COL14A1: variants seen among roughly 807,000 people sequenced by gnomAD.
COL14A1 encodes the protein collagen type XIV alpha 1 chain, also known as collagen alpha-1(XIV) chain.
COL14A1 carries 136 observed loss-of-function variants against 230.3 expected under a neutral mutation model. The ratio of observed to expected loss-of-function variants is 0.59; its 90% CI spans 0.51 to 0.68. COL14A1 has a LOEUF of 0.68. COL14A1 is among the 30% of genes least tolerant of loss of function. COL14A1 has a pLI of 0.00. For missense variants in COL14A1, 1,976 were observed against 2,215.8 expected (o/e 0.89, Z 2.17); for synonymous variants, 792 against 784.1 (o/e 1.01, Z -0.17).
chr8:120,341,610 C>T (rs1447356286), intron 43 of COL14A1, among the ~76,000 whole-genome samples: 1 of 152,142 alleles, frequency 6.6e-6, no homozygotes, highest in African/African-American at 2.4e-5. Context: ...AACTTGGGCT[C>T]TTTTCTTTAA....
upstream of COL14A1, among the ~76,000 whole-genome samples, chr8:120,124,900 G>C (rs1017917931): frequency 6.6e-6 from 1 of 152,168 alleles, no homozygotes; most frequent in African/African-American, 2.4e-5. Flanking sequence ...CGCGCACCTG[G>C]GGGGACCGCC....
In COL14A1 at chr8:120,139,398, A is replaced by G. The variant is rs116702415; in HGVS notation, c.-37-8408A>G. 1.0e-2 allele frequency among the ~76,000 whole-genome samples: 1,520 copies of G among 152,298 alleles called. 22 individuals carry two copies. The highest frequency in any genetic ancestry group is 0.035 in the African/African-American group (1,464 of 41,564). On this transcript the variant is annotated intron_variant, in intron 1 of 47. Coordinates refer to ENST00000297848, the MANE Select transcript of COL14A1 (RefSeq NM_021110.4). The stretch of plus-strand genomic sequence containing the variant: ...GATCATTTCAAACCTGTATAGAGCT[A>G]TCATCTGGAGAATGATAAAAATGGC...
chr8:120,230,566 C>G (rs535125751), intron 18 of COL14A1, among the ~76,000 whole-genome samples: 1 of 152,068 alleles, frequency 6.6e-6, no homozygotes, highest in Non-Finnish European at 1.5e-5. Flanking sequence ...CTTGCAATCC[C>G]GAACTCCTTT....
chr8:120,335,646 C>A (rs902485811), intron 42 of COL14A1, among the ~76,000 whole-genome samples: 5 of 152,176 alleles, frequency 3.3e-5, no homozygotes, highest in Non-Finnish European at 7.3e-5. Context: ...CAGGCTGCAC[C>A]GCTGAAAATA....
At chr8:120,172,052 T>G (rs1816108787) in intron 5 of COL14A1, among the ~76,000 whole-genome samples, 1 of 152,174 alleles carries the variant, frequency 6.6e-6, no homozygotes, top group Non-Finnish European at 1.5e-5. Flanking sequence ...TTGGTTCCTT[T>G]TTAACTTTTT....
rs75970034 is a variant in COL14A1 at position 120,330,725 on chromosome 8, G to A, written c.4660-1416G>A. Among the ~76,000 whole-genome samples the A allele has an allele frequency of 7.7e-3, 1,178 of 152,188 alleles. 21 individuals carry two copies. Among genetic ancestry groups the A allele is most frequent in the African/African-American group, 0.024 (1,004 of 41,518 alleles). On this transcript the variant is annotated intron_variant, in intron 40 of 47. Transcript: ENST00000297848. The stretch of plus-strand genomic sequence containing the variant: ...CTCACACTCTCCCAACTCACACACC[G>A]TTTCCTTTCCCTCGGCCTTATCATT...
chr8:120,237,210 A>T (rs1002821346), intron 19 of COL14A1, among the ~76,000 whole-genome samples: 1 of 152,206 alleles, frequency 6.6e-6, no homozygotes, highest in Non-Finnish European at 1.5e-5. Context: ...GTGTTTTCCA[A>T]CTTCGTTCCA....
intron 40 of COL14A1, among the ~76,000 whole-genome samples, chr8:120,331,678 A>C (rs1348889967): frequency 6.6e-6 from 1 of 152,164 alleles, no homozygotes; most frequent in Non-Finnish European, 1.5e-5. Context: ...AAATCCTCCC[A>C]AATCTCCTCC....
intron 1 of COL14A1, among the ~76,000 whole-genome samples, chr8:120,129,101 A>C (rs775107771): frequency 3.9e-5 from 6 of 152,234 alleles, no homozygotes; most frequent in Non-Finnish European, 5.9e-5. Context: ...GTCTCCTGCC[A>C]TGTGCTGGCA....
Position 120,200,715 on chromosome 8 carries a change from TTATATATATATATATATATA to T in COL14A1, c.877+1181_877+1200del, listed in dbSNP as rs34177030. On this transcript the variant is annotated intron_variant, in intron 8 of 47. Coordinates refer to ENST00000297848, the MANE Select transcript of COL14A1 (RefSeq NM_021110.4). ...GAAAGATCCTAAAAAGTTTTCCTAT[TTATATATATATATATATATA>T]TATATATATATATATATATATATAT... is the stretch of plus-strand genomic sequence containing the variant. 7.4e-3 allele frequency among the ~76,000 whole-genome samples: 637 copies of T among 85,732 alleles called. 11 individuals are homozygous for T. Among genetic ancestry groups the T allele is most frequent in the African/African-American group, 0.021 (504 of 23,476 alleles). The allele number at this position is 85,732 out of a possible 152,430, so 56.2% of individuals were successfully genotyped here.
chr8:120,337,669 C>A (rs761199002), intron 42 of COL14A1, among the ~76,000 whole-genome samples: 1 of 152,108 alleles, frequency 6.6e-6, no homozygotes, highest in Non-Finnish European at 1.5e-5. Context: ...ATTTTCTTTT[C>A]TTTACATTTC....
At chr8:120,221,242 T>C (rs11773991) in intron 14 of COL14A1, among the ~76,000 whole-genome samples, 86,138 of 151,908 alleles carry the variant, frequency 0.57, 25,627 homozygotes, top group African/African-American at 0.75. Flanking sequence ...ACATCCCTTC[T>C]AAAATTAGGC....
At position 120,231,602 on chromosome 8, in the gene COL14A1, A is replaced by G; in HGVS notation, c.2333A>G (p.Glu778Gly). 1 of 1,613,752 alleles carries G rather than the reference A, an allele frequency of 6.2e-7. No individual in the cohort carries two copies. ...ATGACAGCTCAAGGGGACCCTGAGGAAGAAGTCATAGGAACGGTCTGTATA... is the reference window on the plus strand; with the variant it reads ...ATGACAGCTCAAGGGGACCCTGAGGGAGAAGTCATAGGAACGGTCTGTATA... ...TYMTAQGDPE[E>G]EVIGTVMVPG... The change falls in exon 19 of 48, where the codon GAA (glutamate) becomes GGA (glycine). Residue 778 changes from glutamate (E) to glycine (G), a missense_variant. Glu to Gly is a moderately conservative substitution (Grantham distance 98). This residue lies in a region of COL14A1 where 1,791 missense variants were observed against 2,019.5 expected (regional missense o/e 0.89). Coordinates refer to ENST00000297848, the MANE Select transcript of COL14A1 (RefSeq NM_021110.4).
At chr8:120,136,858 G>A (rs147378102) in intron 1 of COL14A1, among the ~76,000 whole-genome samples, 60 of 148,094 alleles carry the variant, frequency 4.1e-4, no homozygotes, top group African/African-American at 1.0e-3. Context: ...CCAGCTCTTC[G>A]GGAGGCTGAG....
chr8:120,304,707 T>A (rs1175758383), intron 36 of COL14A1, among the ~76,000 whole-genome samples: 2 of 152,198 alleles, frequency 1.3e-5, no homozygotes, highest in Non-Finnish European at 2.9e-5. Flanking sequence ...CTAACTTGCA[T>A]GTTCTCATTC....
chr8:120,204,180 G>A (rs1817356899), intron 9 of COL14A1, among the ~76,000 whole-genome samples: 1 of 152,154 alleles, frequency 6.6e-6, no homozygotes, highest in African/African-American at 2.4e-5. Flanking sequence ...TAGAAAGATT[G>A]TGTGTTCTTT....
Position 120,136,790 on chromosome 8 carries a change from C to A in COL14A1, c.-37-11016C>A, listed in dbSNP as rs1321224201. On this transcript the variant is annotated intron_variant, in intron 1 of 47. Coordinates refer to ENST00000297848, the MANE Select transcript of COL14A1 (RefSeq NM_021110.4). Reference sequence around the variant, plus strand: ...ACCAGCCTGGGCAACATGGTGAAACCCCCATCTCTACCAAAAATACAAAAA... The same window carrying A: ...ACCAGCCTGGGCAACATGGTGAAACACCCATCTCTACCAAAAATACAAAAA... 2.0e-5 allele frequency among the ~76,000 whole-genome samples: 3 copies of A among 151,368 alleles called. No individual in the cohort carries two copies. In the East Asian group the frequency reaches 5.8e-4, roughly 29 times the overall value.
chr8:120,151,933 G>C (rs950684020), intron 2 of COL14A1, among the ~76,000 whole-genome samples: 1 of 152,036 alleles, frequency 6.6e-6, no homozygotes, highest in African/African-American at 2.4e-5. Context: ...TGGCTTTGAA[G>C]ATGGAAAGAG....
chr8:120,136,401 A>T (rs1014902343), intron 1 of COL14A1, among the ~76,000 whole-genome samples: 1 of 135,136 alleles, frequency 7.4e-6, no homozygotes, highest in Non-Finnish European at 1.6e-5. Context: ...TATATATATA[A>T]AATCTCATGC....
Sources: gnomAD v4.1 joint callset for allele counts (sites outside exome capture counted in the v4.1 genomes callset) on GRCh38, gnomAD v4.1.1 for gene constraint, gnomAD v4.1.1 regional missense constraint, MANE v1.5 for transcripts, NCBI Gene and HGNC (gene_info 2026-07-23, HGNC 2026-07-21) for gene names.